The following RAB38 variants were observed in gnomAD, a reference collection of about 807,000 sequenced individuals.
The protein encoded by RAB38 is RAB38, member RAS oncogene family.
RAB38 carries 15 observed loss-of-function variants against 18.4 expected under a neutral mutation model. The ratio of observed to expected loss-of-function variants is 0.82; its 90% confidence interval spans 0.55 to 1.26. RAB38 has a LOEUF of 1.26. RAB38 is among the 50% of genes most tolerant of loss of function. The pLI, the probability that RAB38 is intolerant of heterozygous loss-of-function variation, is 0.00. For missense variants in RAB38, 294 were observed against 267.4 expected (o/e 1.10, Z -0.69); for synonymous variants, 101 against 104.4 (o/e 0.97, Z 0.20).
chr11:88,117,954 T>G (rs1407909822), intron 2 of RAB38, among the ~76,000 whole-genome samples: 1 of 152,202 alleles, frequency 6.6e-6, no homozygotes, highest in Non-Finnish European at 1.5e-5. Context: ...TCCTTCATTT[T>G]GCAGTTGAAG....
chr11:88,025,789 T>C, the RAB38 span, among the ~76,000 whole-genome samples: 3 of 152,206 alleles, frequency 2.0e-5, no homozygotes, highest in Non-Finnish European at 4.4e-5. Flanking sequence ...GTCAGATGCA[T>C]AGTTTACTAA....
At chr11:87,807,601 A>G in the RAB38 span, among the ~76,000 whole-genome samples, 1 of 152,188 alleles carries the variant, frequency 6.6e-6, no homozygotes, top group Non-Finnish European at 1.5e-5. Context: ...AACTAGGTAG[A>G]CAGAACACAA....
chr11:88,036,380 T>C, the RAB38 span, among the ~76,000 whole-genome samples: 1 of 152,226 alleles, frequency 6.6e-6, no homozygotes, highest in East Asian at 1.9e-4. Context: ...AATCTTTCCA[T>C]GGCTTAATTG....
the RAB38 span, among the ~76,000 whole-genome samples, chr11:87,906,443 C>G: frequency 1.3e-5 from 2 of 151,822 alleles, no homozygotes; most frequent in African/African-American, 4.8e-5. Context: ...TAGAAATACT[C>G]TTTATAATTG....
chr11:87,944,666 G>C, the RAB38 span, among the ~76,000 whole-genome samples: 1 of 152,114 alleles, frequency 6.6e-6, no homozygotes, highest in African/African-American at 2.4e-5. Context: ...ATCTTAAACA[G>C]TCTTTTCTAC....
At chr11:88,029,387 T>C in the RAB38 span, among the ~76,000 whole-genome samples, 10 of 151,270 alleles carry the variant, frequency 6.6e-5, no homozygotes, top group African/African-American at 2.2e-4. Flanking sequence ...CAATATTAAC[T>C]TTAAATGTAA....
chr11:87,840,597 A>G, the RAB38 span, among the ~76,000 whole-genome samples: 1 of 152,172 alleles, frequency 6.6e-6, no homozygotes, highest in Non-Finnish European at 1.5e-5. Flanking sequence ...AGTATTTGTT[A>G]TACTTTAACC....
the RAB38 span, among the ~76,000 whole-genome samples, chr11:88,034,344 G>C: frequency 6.6e-6 from 1 of 152,330 alleles, no homozygotes; most frequent in Non-Finnish European, 1.5e-5. Context: ...GTGAGCATAA[G>C]CTTTTATTCT....
the RAB38 span, among the ~76,000 whole-genome samples, chr11:87,957,101 A>G: frequency 6.6e-6 from 1 of 152,104 alleles, no homozygotes; most frequent in Non-Finnish European, 1.5e-5. Context: ...ACTGTAAGTA[A>G]TAACTTACAG....
the RAB38 span, among the ~76,000 whole-genome samples, chr11:87,925,005 G>A: frequency 3.9e-5 from 6 of 152,084 alleles, no homozygotes; most frequent in East Asian, 3.9e-4. Flanking sequence ...CTAGGTAAAC[G>A]AGGGAGGTTG....
At chr11:88,137,025 A>G (rs1942844622) in intron 2 of RAB38, among the ~76,000 whole-genome samples, 1 of 152,276 alleles carries the variant, frequency 6.6e-6, no homozygotes, top group South Asian at 2.1e-4. Flanking sequence ...AAAGTCTGCA[A>G]ATATGGCAGC....
chr11:87,804,927 C>T, the RAB38 span, among the ~76,000 whole-genome samples: 1 of 152,198 alleles, frequency 6.6e-6, no homozygotes, highest in Non-Finnish European at 1.5e-5. Context: ...AAACTTTCCG[C>T]CTTTGAATTT....
the RAB38 span, among the ~76,000 whole-genome samples, chr11:87,860,701 A>G: frequency 6.6e-6 from 1 of 151,726 alleles, no homozygotes; most frequent in African/African-American, 2.4e-5. Flanking sequence ...ATACAAATGA[A>G]AAAAACTTCA....
chr11:88,043,984 T>C, the RAB38 span, among the ~76,000 whole-genome samples: 1 of 152,144 alleles, frequency 6.6e-6, no homozygotes, highest in Non-Finnish European at 1.5e-5. Flanking sequence ...TTCTCCAACC[T>C]CTCTCACTAT....
the RAB38 span, among the ~76,000 whole-genome samples, chr11:87,894,663 A>C: frequency 3.3e-5 from 5 of 151,504 alleles, no homozygotes; most frequent in Admixed American, 2.6e-4. Context: ...AATAACGTCA[A>C]GTATGCCTAC....
At chr11:87,962,187 A>C in the RAB38 span, among the ~76,000 whole-genome samples, 55 of 152,294 alleles carry the variant, frequency 3.6e-4, no homozygotes, top group Admixed American at 5.2e-4. Flanking sequence ...TTCCGAAAGA[A>C]GGCATCTTGG....
chr11:87,848,403 C>T, the RAB38 span, among the ~76,000 whole-genome samples: 1 of 152,140 alleles, frequency 6.6e-6, no homozygotes, highest in African/African-American at 2.4e-5. Flanking sequence ...TATTGTTCCT[C>T]CTCCTAAAAT....
the RAB38 span, among the ~76,000 whole-genome samples, chr11:87,820,713 A>G: frequency 7.2e-5 from 11 of 152,340 alleles, no homozygotes; most frequent in South Asian, 2.3e-3. Context: ...ACAGCAAACA[A>G]AATTTTATAA....
chr11:87,888,248 A>G, the RAB38 span, among the ~76,000 whole-genome samples: 1 of 151,984 alleles, frequency 6.6e-6, no homozygotes, highest in Non-Finnish European at 1.5e-5. Flanking sequence ...ACTAGTAGTT[A>G]CAATTCTGTC....
Sources: allele counts gnomAD v4.1 joint callset (sites outside exome capture counted in the v4.1 genomes callset), GRCh38; gene constraint gnomAD v4.1.1; transcripts MANE v1.5; gene names NCBI Gene and HGNC (gene_info 2026-07-23, HGNC 2026-07-21).